NTRK2: variants seen among roughly 807,000 people sequenced by gnomAD.
The protein encoded by NTRK2 is neurotrophic receptor tyrosine kinase 2.
A neutral mutation model predicts 94.5 loss-of-function variants in NTRK2; 13 were observed. The ratio of observed to expected loss-of-function variants is 0.14; its 90% CI spans 0.09 to 0.22. The LOEUF (loss-of-function observed/expected upper bound fraction) is 0.22, where lower values mean the gene tolerates loss of function less well. NTRK2 is among the 10% of genes least tolerant of loss of function. The pLI is 1.00. For missense variants in NTRK2, 639 were observed against 1,071.2 expected (o/e 0.60, Z 5.63); for synonymous variants, 372 against 407.4 (o/e 0.91, Z 1.05).
At chr9:84,886,025 C>T (rs377326687) in intron 14 of NTRK2, among the ~76,000 whole-genome samples, 13 of 150,022 alleles carry the variant, frequency 8.7e-5, no homozygotes, top group African/African-American at 3.2e-4. Flanking sequence ...AGCAAGACTT[C>T]GTCTGAAAAA....
chr9:84,961,950 G>A (rs1270541373), intron 17 of NTRK2, among the ~76,000 whole-genome samples: 1 of 152,212 alleles, frequency 6.6e-6, no homozygotes, highest in Non-Finnish European at 1.5e-5. Context: ...AAGGAGAGAT[G>A]TCAATGTAAA....
At chr9:84,741,834 G>C (rs1283961420) in intron 9 of NTRK2, 58 bp from the exon 10 acceptor site, 2 of 1,470,784 alleles carry the variant, frequency 1.4e-6, no homozygotes, top group Non-Finnish European at 1.9e-6. Flanking sequence ...ACATAGGTTA[G>C]TAATTTTTTG....
chr9:84,955,612 T>G (rs1564499735), intron 17 of NTRK2, 95 bp downstream of exon 17: 2 of 1,044,798 alleles, frequency 1.9e-6, no homozygotes, highest in Admixed American at 3.9e-5. Flanking sequence ...CAAAATATCA[T>G]GACTGGGTGG....
rs754776571 is a variant in NTRK2, at chr9:84,948,624, A to C, written c.1927A>C (p.Lys643Gln). The C allele has an allele frequency of 2.5e-6, 4 of 1,614,098 alleles. No individual in the cohort carries two copies. The highest frequency in any genetic ancestry group is 3.4e-6 in the Non-Finnish European group (4 of 1,180,010). The change falls in exon 16 of 19, where the codon AAG (lysine) becomes CAG (glutamine). Residue 643 changes from lysine (K) to glutamine (Q), a missense_variant. Lys to Gln is a moderately conservative substitution (Grantham distance 53, BLOSUM62 1). Around this residue, in one of 5 missense-constraint regions of NTRK2, gnomAD observed 343 missense variants for 571.5 expected, o/e 0.60. Coordinates refer to ENST00000277120, the MANE Select transcript of NTRK2 (RefSeq NM_006180.6). The stretch of plus-strand genomic sequence containing the variant: ...GTACATGAAGCATGGGGACCTCAAC[A>C]AGTTCCTCAGGTACAGTGAGGCGGG... ...FEYMKHGDLN[K>Q]FLRAHGPDAV...
At chr9:84,738,931 A>G (rs2063441718) in intron 9 of NTRK2, among the ~76,000 whole-genome samples, 1 of 152,220 alleles carries the variant, frequency 6.6e-6, no homozygotes, top group East Asian at 1.9e-4. Flanking sequence ...AGTGCTTTTC[A>G]CAAAGTTTAG....
chr9:84,747,822 G>A (rs2064228082), intron 11 of NTRK2, among the ~76,000 whole-genome samples: 1 of 152,138 alleles, frequency 6.6e-6, no homozygotes, highest in Non-Finnish European at 1.5e-5. Context: ...TTAGGCACCT[G>A]ATTGGCATAT....
At position 84,930,109 on chromosome 9, in the gene NTRK2, A is replaced by G. The variant is rs17087881; in HGVS notation, c.1634-4053A>G. On this transcript the variant is annotated intron_variant, in intron 14 of 18. Transcript: ENST00000277120. The stretch of plus-strand genomic sequence containing the variant: ...CTGATATTCAAAGTCTTAGACCACA[A>G]TGAGATAGGAGTTTGTCCAGAATGT... Among the ~76,000 whole-genome samples the G allele has an allele frequency of 3.9e-3, 591 of 152,306 alleles. 4 individuals carry two copies. The highest frequency in any genetic ancestry group is 0.019 in the East Asian group (96 of 5,186).
intron 2 of NTRK2, among the ~76,000 whole-genome samples, chr9:84,688,915 G>A (rs947267340): frequency 3.3e-5 from 5 of 152,112 alleles, no homozygotes; most frequent in African/African-American, 9.7e-5. Context: ...GTGGGTTAAG[G>A]GCTCCACTAG....
chr9:84,929,497 A>T (rs908303208), intron 14 of NTRK2, among the ~76,000 whole-genome samples: 6 of 151,664 alleles, frequency 4.0e-5, no homozygotes, highest in Admixed American at 2.6e-4. Flanking sequence ...TCTTTTTTTT[A>T]AATTAAGTGA....
intron 14 of NTRK2, among the ~76,000 whole-genome samples, chr9:84,878,826 G>C (rs755047190): frequency 6.6e-6 from 1 of 152,050 alleles, no homozygotes; most frequent in East Asian, 1.9e-4. Context: ...TTCTGGCCTG[G>C]ATCTTGTGTA....
intron 14 of NTRK2, among the ~76,000 whole-genome samples, chr9:84,907,495 C>G (rs1443439): frequency 6.6e-6 from 1 of 152,118 alleles, no homozygotes; most frequent in African/African-American, 2.4e-5. Flanking sequence ...TCATTTACTT[C>G]TTTTTCAAAA....
chr9:84,875,632 C>T, intron 14 of NTRK2: 2 of 1,059,136 alleles, frequency 1.9e-6, no homozygotes, highest in Non-Finnish European at 2.3e-6. Flanking sequence ...TTAGGGATGC[C>T]TTCACTTCCA....
At chr9:84,840,265 C>CTTTTTTTTTTT (rs1158579395) in intron 12 of NTRK2, among the ~76,000 whole-genome samples, 1 of 101,858 alleles carries the variant, frequency 9.8e-6, no homozygotes, top group African/African-American at 3.6e-5. Flanking sequence ...ATTGACAATT[C>CTTTTTTTTTTT]TTTTTTTTTT....
At chr9:84,696,492 T>C (rs570095817) in intron 2 of NTRK2, among the ~76,000 whole-genome samples, 1 of 152,328 alleles carries the variant, frequency 6.6e-6, no homozygotes, top group African/African-American at 2.4e-5. Flanking sequence ...CCTATGACGG[T>C]GATAAACTCC....
intron 10 of NTRK2, among the ~76,000 whole-genome samples, chr9:84,744,355 G>C (rs895383210): frequency 6.6e-6 from 1 of 152,060 alleles, no homozygotes; most frequent in African/African-American, 2.4e-5. Context: ...TGAAATATTG[G>C]CAATTCAGAA....
At chr9:84,908,698 C>A (rs2132466028) in intron 14 of NTRK2, among the ~76,000 whole-genome samples, 1 of 152,178 alleles carries the variant, frequency 6.6e-6, no homozygotes, top group South Asian at 2.1e-4. Context: ...TGAGCCAGAC[C>A]CTCAAGGAGC....
intron 12 of NTRK2, among the ~76,000 whole-genome samples, chr9:84,853,871 G>A (rs1428983180): frequency 6.6e-6 from 1 of 152,122 alleles, no homozygotes; most frequent in Non-Finnish European, 1.5e-5. Context: ...CATGAGGTCA[G>A]GAGATCAAGA....
Position 85,026,035 on chromosome 9 carries a change from C to T in NTRK2, c.*4598C>T, listed in dbSNP as rs1243346807. ...TTGAATATCCTTAGTTTTTGCATTT[C>T]CCCTCCTTTTCCTTTGACCTTTATT... On this transcript the variant is annotated 3_prime_UTR_variant, in exon 19 of 19. Coordinates refer to ENST00000277120, the MANE Select transcript of NTRK2 (RefSeq NM_006180.6). The T allele has an allele frequency of 8.7e-6, 2 of 230,374 alleles. No homozygotes were observed. Among genetic ancestry groups the T allele is most frequent in the South Asian group, 1.8e-4 (1 of 5,472 alleles). 14.3% of individuals were successfully genotyped at this position (230,374 alleles called of 1,614,324 possible).
chr9:84,830,805 A>G (rs375301038), intron 12 of NTRK2, among the ~76,000 whole-genome samples: 2 of 152,190 alleles, frequency 1.3e-5, no homozygotes, highest in East Asian at 1.9e-4. Context: ...TAAAAATCCT[A>G]CTGGCATTGT....
Sources: allele counts gnomAD v4.1 joint callset (sites outside exome capture counted in the v4.1 genomes callset), GRCh38; gene constraint gnomAD v4.1.1; regional missense constraint gnomAD v4.1.1; transcripts MANE v1.5; gene names NCBI Gene and HGNC (gene_info 2026-07-23, HGNC 2026-07-21).